ADAMTSL1: variants seen among roughly 807,000 people sequenced by gnomAD.
ADAMTSL1 encodes ADAMTS-like protein 1.
A neutral mutation model predicts 201.8 loss-of-function variants in ADAMTSL1; 126 were observed. That is an observed-to-expected ratio of 0.62 (90% CI 0.54 to 0.72). The LOEUF (loss-of-function observed/expected upper bound fraction) is 0.72, where lower values mean the gene tolerates loss of function less well. Among genes scored for constraint, ADAMTSL1 ranks in the 30% least tolerant of loss-of-function variants. The pLI, the probability that ADAMTSL1 is intolerant of heterozygous loss-of-function variation, is 0.00. For missense variants in ADAMTSL1, 2,679 were observed against 2,277.8 expected (o/e 1.18, Z -3.59); for synonymous variants, 1,121 against 903.4 (o/e 1.24, Z -4.32).
At chr9:18,760,474 T>C (rs1820013620) in intron 16 of ADAMTSL1, among the ~76,000 whole-genome samples, 1 of 152,220 alleles carries the variant, frequency 6.6e-6, no homozygotes, top group Non-Finnish European at 1.5e-5. Flanking sequence ...CATAGGGTTA[T>C]GATATGCAGT....
intron 2 of ADAMTSL1, among the ~76,000 whole-genome samples, chr9:18,434,177 A>T (rs978066795): frequency 3.9e-5 from 6 of 152,136 alleles, no homozygotes; most frequent in Non-Finnish European, 8.8e-5. Flanking sequence ...CTCTTAAGAG[A>T]CTCTAGAAGT....
At chr9:18,328,451 A>T (rs1196665606) in intron 2 of ADAMTSL1, among the ~76,000 whole-genome samples, 6 of 152,218 alleles carry the variant, frequency 3.9e-5, no homozygotes, top group Non-Finnish European at 8.8e-5. Context: ...TTTAAATTTC[A>T]AGTATTTTCC....
chr9:18,559,552 A>T (rs998368716), intron 3 of ADAMTSL1, among the ~76,000 whole-genome samples: 1 of 152,112 alleles, frequency 6.6e-6, no homozygotes, highest in Non-Finnish European at 1.5e-5. Flanking sequence ...AAGAAAGTCA[A>T]TGGTAGCTTG....
intron 19 of ADAMTSL1, among the ~76,000 whole-genome samples, chr9:18,785,435 CAT>C (rs1821651649): frequency 6.6e-6 from 1 of 152,314 alleles, no homozygotes; most frequent in African/African-American, 2.4e-5. Context: ...TATATATACA[CAT>C]GTGTATGCAA....
intron 2 of ADAMTSL1, among the ~76,000 whole-genome samples, chr9:18,468,400 T>C (rs946257531): frequency 3.9e-5 from 6 of 152,188 alleles, no homozygotes; most frequent in African/African-American, 1.4e-4. Flanking sequence ...CAGAGTTTCA[T>C]TAAATCTTTC....
At chr9:18,305,193 C>G (rs1217738050) in intron 2 of ADAMTSL1, among the ~76,000 whole-genome samples, 1 of 152,192 alleles carries the variant, frequency 6.6e-6, no homozygotes, top group Non-Finnish European at 1.5e-5. Flanking sequence ...ATGCTTTTCC[C>G]ATGGTCTTCA....
rs182643146 is a variant in ADAMTSL1 at position 18,177,408 on chromosome 9, G to A, written c.207+13427G>A. Among the ~76,000 whole-genome samples the A allele has an allele frequency of 7.9e-5, 12 of 152,248 alleles. 1 individual carries two copies. The highest frequency in any genetic ancestry group is 6.2e-4 in the South Asian group (3 of 4,812). Reference sequence around the variant, plus strand: ...ACACTGATGGAAATGTGGCTAAAACGTTGCGTCATTTAATATTAAGTCCAC... The same window carrying A: ...ACACTGATGGAAATGTGGCTAAAACATTGCGTCATTTAATATTAAGTCCAC... On this transcript the variant is annotated intron_variant, in intron 2 of 29. Coordinates refer to the ADAMTSL1 transcript ENST00000680146.
At chr9:18,324,542 A>G (rs2077690255) in intron 2 of ADAMTSL1, among the ~76,000 whole-genome samples, 1 of 152,106 alleles carries the variant, frequency 6.6e-6, no homozygotes, top group Non-Finnish European at 1.5e-5. Flanking sequence ...AGGAAGGCAG[A>G]TCACCTGAGG....
At chr9:18,150,534 A>G (rs1036457771) in intron 1 of ADAMTSL1, among the ~76,000 whole-genome samples, 5 of 152,024 alleles carry the variant, frequency 3.3e-5, no homozygotes, top group Non-Finnish European at 7.4e-5. Context: ...TATAGTGAAG[A>G]CTTCTTTCTA....
intron 19 of ADAMTSL1, among the ~76,000 whole-genome samples, chr9:18,790,278 C>G (rs1461358028): frequency 6.6e-6 from 1 of 152,030 alleles, no homozygotes; most frequent in African/African-American, 2.4e-5. Flanking sequence ...TGCCTAAGGC[C>G]CACCACACGA....
intron 2 of ADAMTSL1, among the ~76,000 whole-genome samples, chr9:18,229,723 T>A (rs2132400957): frequency 6.6e-6 from 1 of 152,156 alleles, no homozygotes; most frequent in South Asian, 2.1e-4. Context: ...GATATGGAAT[T>A]TCACTCTTGT....
At chr9:18,522,672 T>C (rs1818773595) in intron 2 of ADAMTSL1, among the ~76,000 whole-genome samples, 1 of 147,438 alleles carries the variant, frequency 6.8e-6, no homozygotes, top group Non-Finnish European at 1.5e-5. Context: ...TTCCCACCTA[T>C]GAGTGAGAAC....
chr9:18,208,721 A>T (rs1829752302), intron 2 of ADAMTSL1, among the ~76,000 whole-genome samples: 1 of 152,144 alleles, frequency 6.6e-6, no homozygotes. Flanking sequence ...TATCCCAGGC[A>T]GTGTGGACTT....
At chr9:18,203,269 A>G (rs1829522152) in intron 2 of ADAMTSL1, among the ~76,000 whole-genome samples, 1 of 152,072 alleles carries the variant, frequency 6.6e-6, no homozygotes, top group Non-Finnish European at 1.5e-5. Context: ...CAGGGACTAT[A>G]TTCACCGGCT....
At chr9:17,978,439 C>G in intron 1 of ADAMTSL1, among the ~76,000 whole-genome samples, 1 of 151,836 alleles carries the variant, frequency 6.6e-6, no homozygotes, top group Non-Finnish European at 1.5e-5. Flanking sequence ...ATTTCTTTCT[C>G]TTTATTTTGG....
intron 1 of ADAMTSL1, among the ~76,000 whole-genome samples, chr9:18,147,932 G>A (rs533893143): frequency 2.0e-5 from 3 of 152,126 alleles, no homozygotes; most frequent in Non-Finnish European, 2.9e-5. Context: ...GGCATTTTAG[G>A]AAGTTTTTAC....
At chr9:18,406,289 T>TTTTCTTTTC (rs1818190417) in intron 2 of ADAMTSL1, among the ~76,000 whole-genome samples, 213 of 117,488 alleles carry the variant, frequency 1.8e-3, no homozygotes, top group African/African-American at 7.0e-3. Context: ...ATAAGACAGT[T>TTTTCTTTTC]TTTTCTTTTC....
intron 1 of ADAMTSL1, among the ~76,000 whole-genome samples, chr9:17,929,402 CT>C (rs200534324): frequency 0.012 from 1,852 of 152,140 alleles, 39 homozygotes; most frequent in African/African-American, 0.043. Context: ...TTTTTCACCC[CT>C]TTGGGGGCAT....
intron 1 of ADAMTSL1, among the ~76,000 whole-genome samples, chr9:18,490,801 C>T (rs938669755): frequency 2.6e-5 from 4 of 152,146 alleles, no homozygotes; most frequent in African/African-American, 9.7e-5. Context: ...TTACAGGATG[C>T]TGATGAATTT....
Sources: allele counts gnomAD v4.1 joint callset (sites outside exome capture counted in the v4.1 genomes callset), GRCh38; gene constraint gnomAD v4.1.1; transcripts MANE v1.5; gene names NCBI Gene and HGNC (gene_info 2026-07-23, HGNC 2026-07-21).